CHD8: variants seen among roughly 807,000 people sequenced by gnomAD.
CHD8 encodes ATP-dependent chromatin remodeler CHD8.
CHD8 carries 31 observed loss-of-function variants against 279.2 expected under a neutral mutation model. The ratio of observed to expected loss-of-function variants is 0.11; its 90% CI spans 0.08 to 0.15. CHD8 has a LOEUF of 0.15. Ranked by LOEUF, CHD8 falls within the 10% of genes least tolerant of loss-of-function variation. The probability of loss-of-function intolerance (pLI) is 1.00; values close to 1 mark genes in which losing one functional copy is unlikely to be tolerated. For missense variants in CHD8, 2,146 were observed against 3,230.5 expected, an observed-to-expected ratio of 0.66 and a Z score of 8.14; for synonymous variants, 1,081 against 1,139.6, an observed-to-expected ratio of 0.95 and a Z score of 1.04.
At position 21,405,236 on chromosome 14, in the gene CHD8, A is replaced by G. The variant is rs1373673386; in HGVS notation, c.3280T>C (p.Cys1094Arg). The G allele has an allele frequency of 6.2e-7, 1 of 1,613,780 alleles. No individual in the cohort carries two copies. ...LLNTMMELRK[C>R]CNHPYLINGA... is the part of the protein sequence containing the mutation. The stretch of plus-strand genomic sequence containing the variant: ...TTGATGAGATATGGGTGGTTGCAGC[A>G]CTTGCGCAACTCCATCATTGTGTTA... The change falls in exon 16 of 38, where the codon TGC (cysteine) becomes CGC (arginine). Residue 1094 changes from cysteine to arginine, a missense_variant. Cys to Arg is a radical substitution (Grantham distance 180, BLOSUM62 -3). Coordinates refer to ENST00000646647, the MANE Select transcript of CHD8 (RefSeq NM_001170629.2). This position sits in a 1 kb window ranked among gnomAD's most constrained non-coding sequence, Gnocchi z 4.2.
At chr14:21,394,868 T>A in intron 30 of CHD8, 44 bp downstream of exon 30, 1 of 1,581,890 alleles carries the variant, frequency 6.3e-7, no homozygotes, top group Non-Finnish European at 8.7e-7. Flanking sequence ...ATAGGGACCA[T>A]AACTGAAAAC....
At position 21,403,134 on chromosome 14, in the gene CHD8, G is replaced by C; in HGVS notation, c.3597C>G (p.Asp1199Glu). ...ACAGTAAGAAGACAAAGCGGTCTGAGTCAGGCTTGCTGAAGCGGTCAATGG... is the reference window on the plus strand; with the variant it reads ...ACAGTAAGAAGACAAAGCGGTCTGACTCAGGCTTGCTGAAGCGGTCAATGG... ...QAAIDRFSKP[D>E]SDRFVFLLCT... The change falls in exon 18 of 38, where the codon GAC becomes GAG. Residue 1199 changes from aspartate to glutamate, a missense_variant. Coordinates refer to ENST00000646647, the MANE Select transcript of CHD8 (RefSeq NM_001170629.2). This position sits in a 1 kb window ranked among gnomAD's most constrained non-coding sequence, Gnocchi z 4.3. 6.2e-7 allele frequency: 1 copy of C among 1,614,044 alleles called. No individual in the cohort carries two copies. Among genetic ancestry groups the C allele is most frequent in the South Asian group, 1.1e-5 (1 of 91,090 alleles).
At position 21,385,509 on chromosome 14, in the gene CHD8, G is replaced by C; in HGVS notation, c.*104C>G. On this transcript the variant is annotated 3_prime_UTR_variant, in exon 38 of 38. Transcript: ENST00000646647. The stretch of plus-strand genomic sequence containing the variant: ...TTCCTTTTCACCTCCTGGAGTCCTG[G>C]ACTTCCCCACATCTCCCCTGCCCCT... The C allele has an allele frequency of 7.0e-7, 1 of 1,423,632 alleles. No individual in the cohort carries two copies. The highest frequency in any genetic ancestry group is 9.2e-7 in the Non-Finnish European group (1 of 1,091,170). 88.2% of individuals were successfully genotyped at this position (1,423,632 alleles called of 1,614,324 possible).
At position 21,451,571 on chromosome 14, in the gene CHD8, C is replaced by CAAAA. The variant is rs969355375; in HGVS notation, c.-216+4457_-216+4460dup. On this transcript the variant is annotated intron_variant, in intron 1 of 37. Coordinates refer to ENST00000646647, the MANE Select transcript of CHD8 (RefSeq NM_001170629.2). ...TGGGCAACAGAGTGAGACTCTGTCT[C>CAAAA]AAAAAAAAAAAAAAAAAAAAAAAAA... Among the ~76,000 whole-genome samples, 26 of 31,620 alleles carry CAAAA rather than the reference C, an allele frequency of 8.2e-4. 3 individuals carry two copies. Among genetic ancestry groups the CAAAA allele is most frequent in the East Asian group, 2.4e-3 (1 of 416 alleles). The allele number at this position is 31,620 out of a possible 152,430, so 20.7% of individuals were successfully genotyped here.
intron 37 of CHD8, among the ~76,000 whole-genome samples, chr14:21,387,959 C>G (rs908880036): frequency 6.6e-6 from 1 of 152,090 alleles, no homozygotes; most frequent in Admixed American, 6.6e-5. Context: ...AAAAGCCCTT[C>G]TTACAGGCTG....
At chr14:21,430,318 A>T (rs1889513603) in intron 2 of CHD8, 1 of 158,110 alleles carries the variant, frequency 6.3e-6, no homozygotes, top group Non-Finnish European at 1.4e-5. Flanking sequence ...CTTACGCTAG[A>T]AACTAACACT....
intron 1 of CHD8, among the ~76,000 whole-genome samples, chr14:21,449,083 A>G (rs779280322): frequency 2.7e-3 from 412 of 152,150 alleles, no homozygotes; most frequent in Non-Finnish European, 4.3e-3. Context: ...CTGAGGCAGG[A>G]GAATGGCGGG....
rs1887199443 is a variant in CHD8 at position 21,385,837 on chromosome 14, G to A, written c.7522C>T (p.His2508Tyr). Residue 2508 changes from histidine to tyrosine, a missense_variant, in exon 38 of 38, where the codon CAT becomes TAT. His to Tyr is a moderately conservative substitution (Grantham distance 83). Transcript: ENST00000646647. ...TAGCCAGGGGCTCTCAAGCCTGGATGGTGATGGTGGTGATGGTGGGGGTGG... is the reference window on the plus strand; with the variant it reads ...TAGCCAGGGGCTCTCAAGCCTGGATAGTGATGGTGGTGATGGTGGGGGTGG... Reference protein sequence around the residue: ...HPHPHHHHHHHPGLRAPGYPS... With the variant: ...HPHPHHHHHHYPGLRAPGYPS... The A allele has an allele frequency of 1.3e-6, 2 of 1,549,112 alleles. No individual in the cohort carries two copies. Among genetic ancestry groups the A allele is most frequent in the Admixed American group, 3.9e-5 (2 of 50,844 alleles).
chr14:21,437,687 T>A (rs1318386343), intron 1 of CHD8, among the ~76,000 whole-genome samples: 1 of 152,164 alleles, frequency 6.6e-6, no homozygotes, highest in Non-Finnish European at 1.5e-5. Context: ...CACTACCTAA[T>A]AAAAGGGGCC....
rs376477161 is a variant in CHD8 at position 21,419,103 on chromosome 14, C to T, written c.1717-3196G>A. On this transcript the variant is annotated intron_variant, in intron 5 of 37. Coordinates refer to ENST00000646647, the MANE Select transcript of CHD8 (RefSeq NM_001170629.2). ...GGAGGATATATAAACTAAATTATTT[C>T]TAGAGAATAACAATTTCTAGAAGAT... 7.2e-5 allele frequency among the ~76,000 whole-genome samples: 11 copies of T among 152,292 alleles called. No homozygotes were observed. In the East Asian group the frequency reaches 2.1e-3, roughly 29 times the overall value.
In CHD8 at chr14:21,409,733, G is replaced by C. The variant is rs117381843; in HGVS notation, c.2364+118C>G. 5.7e-4 allele frequency: 529 copies of C among 933,624 alleles called. 5 individuals carry two copies. The East Asian group carries it at 0.012, about 21-fold the overall frequency. 57.8% of individuals were successfully genotyped at this position (933,624 alleles called of 1,614,324 possible). A position where few individuals can be genotyped will look rare whatever the true frequency, so the allele number is the denominator to read the frequency against. ...GATGGGTACATTATACCATTTCTTC[G>C]ATTTTTATATGTTTGAAATTTCCAT... On this transcript the variant is annotated intron_variant, in intron 11 of 37. Transcript: ENST00000646647.
At chr14:21,442,051 A>C (rs557676822) in intron 1 of CHD8, among the ~76,000 whole-genome samples, 2 of 152,358 alleles carry the variant, frequency 1.3e-5, no homozygotes, top group Admixed American at 1.3e-4. Context: ...GTAAAAGTGG[A>C]GATTACCCAG....
At position 21,442,641 on chromosome 14, in the gene CHD8, GA is replaced by G. The variant is rs376686857; in HGVS notation, c.-215-10784del. Among the ~76,000 whole-genome samples the G allele has an allele frequency of 2.3e-4, 30 of 129,230 alleles. No individual in the cohort carries two copies. In the South Asian group the frequency reaches 3.7e-3, roughly 16 times the overall value. 84.8% of individuals were successfully genotyped at this position (129,230 alleles called of 152,430 possible). A position where few individuals can be genotyped will look rare whatever the true frequency, so the allele number is the denominator to read the frequency against. ...ATCAGAAAGGAGAAAAGAGAAAGGG[GA>G]GGAGAGGAGAGGGGAGGAGAGGAGA... On this transcript the variant is annotated intron_variant, in intron 1 of 37. Transcript: ENST00000646647.
chr14:21,402,170 C>G lies in CHD8; in HGVS notation c.3883-34G>C, dbSNP rs566806394. 41 of 1,532,886 alleles carry G rather than the reference C, an allele frequency of 2.7e-5. No homozygotes were observed. In the East Asian group the frequency reaches 3.0e-4, roughly 11 times the overall value. 95.0% of individuals were successfully genotyped at this position (1,532,886 alleles called of 1,614,324 possible). A position where few individuals can be genotyped will look rare whatever the true frequency, so the allele number is the denominator to read the frequency against. ...ACCAATAGAAAGATGAAAAGACTAT[C>G]AAGAGAATAATATCTAACCATGCCA... On this transcript the variant is annotated intron_variant, in intron 19 of 37. Coordinates refer to ENST00000646647, the MANE Select transcript of CHD8 (RefSeq NM_001170629.2). This position sits in a 1 kb window ranked among gnomAD's most constrained non-coding sequence, Gnocchi z 4.5.
chr14:21,403,443 CTT>C lies in CHD8; in HGVS notation c.3518+8_3518+9del. On this transcript the variant is annotated splice_region_variant and intron_variant, in intron 17 of 37. Transcript: ENST00000646647. This position sits in a 1 kb window ranked among gnomAD's most constrained non-coding sequence, Gnocchi z 4.3. ...AGAGTAACCACAGGCTAGGATGACT[CTT>C]TTCTTACCTCCTCTGGATTAAATAA... is the stretch of plus-strand genomic sequence containing the variant. The C allele has an allele frequency of 1.2e-6, 2 of 1,602,866 alleles. No homozygotes were observed. Among genetic ancestry groups the C allele is most frequent in the Non-Finnish European group, 1.7e-6 (2 of 1,171,282 alleles).
rs762181123 is a variant in CHD8, at chr14:21,405,497, A to T, written c.3052-33T>A. On this transcript the variant is annotated intron_variant, in intron 15 of 37. Coordinates refer to ENST00000646647, the MANE Select transcript of CHD8 (RefSeq NM_001170629.2). The surrounding 1 kb of genome is among the most constrained non-coding windows in gnomAD (Gnocchi z 4.2). ...CCATTACAGAGAGAAAAATAAATCAATAAGATGAGGGCGAACATTCTCACA... is the reference window on the plus strand; with the variant it reads ...CCATTACAGAGAGAAAAATAAATCATTAAGATGAGGGCGAACATTCTCACA... 8 of 1,591,140 alleles carry T rather than the reference A, an allele frequency of 5.0e-6. No homozygotes were observed. The highest frequency in any genetic ancestry group is 1.7e-4 in the Middle Eastern group (1 of 6,002).
chr14:21,408,452 C>A lies in CHD8; in HGVS notation c.2590G>T (p.Val864Phe). Residue 864 changes from valine to phenylalanine, a missense_variant, in exon 13 of 38, where the codon GTC becomes TTC. Val to Phe is a conservative substitution (Grantham distance 50). Coordinates refer to ENST00000646647, the MANE Select transcript of CHD8 (RefSeq NM_001170629.2). This position sits in a 1 kb window ranked among gnomAD's most constrained non-coding sequence, Gnocchi z 4.3. ...YNVGIHGPFL[V>F]IAPLSTITNW... Reference sequence around the variant, plus strand: ...GTAATTGTGGACAGTGGGGCAATGACCAAGAAGGGACCATGGATGCCCACA... The same window carrying A: ...GTAATTGTGGACAGTGGGGCAATGAACAAGAAGGGACCATGGATGCCCACA... 1 of 1,613,892 alleles carries A rather than the reference C, an allele frequency of 6.2e-7. No individual in the cohort carries two copies. The highest frequency in any genetic ancestry group is 8.5e-7 in the Non-Finnish European group (1 of 1,179,864).
intron 8 of CHD8, chr14:21,414,654 A>G (rs907819758): frequency 1.7e-6 from 1 of 593,474 alleles, no homozygotes; most frequent in Admixed American, 3.2e-5. Flanking sequence ...CTGCTGATCC[A>G]TGGGCCATAT....
At chr14:21,392,166 G>A (rs369233599) in intron 34 of CHD8, 34 of 759,848 alleles carry the variant, frequency 4.5e-5, no homozygotes, top group African/African-American at 4.1e-4. Flanking sequence ...CAGCATTTAC[G>A]AGAAAGAGTT....
Sources: gnomAD v4.1 joint callset for allele counts (sites outside exome capture counted in the v4.1 genomes callset) on GRCh38, gnomAD v4.1.1 for gene constraint, Gnocchi (gnomAD v3.1) non-coding constraint, MANE v1.5 for transcripts, NCBI Gene and HGNC (gene_info 2026-07-23, HGNC 2026-07-21) for gene names.